The following CNNM2 variants were observed in gnomAD, a reference collection of about 807,000 sequenced individuals.
CNNM2 encodes metal transporter CNNM2.
A neutral mutation model predicts 66.9 loss-of-function variants in CNNM2; 12 were observed. That is an observed-to-expected ratio of 0.18 (90% CI 0.11 to 0.29). The LOEUF is 0.29. CNNM2 is among the 10% of genes least tolerant of loss of function. CNNM2 has a pLI of 1.00. For synonymous variants in CNNM2, 557 were observed against 501.8 expected, an observed-to-expected ratio of 1.11 and a Z score of -1.47; for missense variants, 705 against 1,167.7, an observed-to-expected ratio of 0.60 and a Z score of 5.77.
intron 1 of CNNM2, among the ~76,000 whole-genome samples, chr10:103,023,551 C>T (rs1004910975): frequency 1.3e-5 from 2 of 151,998 alleles, no homozygotes; most frequent in Admixed American, 1.3e-4. Context: ...TCTGTTCCCC[C>T]CTCCCCATCC....
intron 1 of CNNM2, among the ~76,000 whole-genome samples, chr10:102,953,130 A>G (rs1846902745): frequency 6.6e-6 from 1 of 152,242 alleles, no homozygotes; most frequent in Non-Finnish European, 1.5e-5. Flanking sequence ...GAGATTTCTC[A>G]GTGAAGAATT....
In CNNM2 at chr10:103,054,624, G is replaced by GT. The variant is rs2065269050; in HGVS notation, c.1903+165dup. On this transcript the variant is annotated intron_variant, in intron 3 of 7. Transcript: ENST00000369878. This position sits in a 1 kb window ranked among gnomAD's most constrained non-coding sequence, Gnocchi z 5.2. Reference sequence around the variant, plus strand: ...TTTTTTTGTTTTTTTGTTTTGTTTTGTTTTTTTCTTTTTAAATTCTCTCCT... The same window carrying GT: ...TTTTTTTGTTTTTTTGTTTTGTTTTGTTTTTTTTCTTTTTAAATTCTCTCCT... Among the ~76,000 whole-genome samples the GT allele has an allele frequency of 6.6e-6, 1 of 151,582 alleles. No homozygotes were observed.
intron 1 of CNNM2, among the ~76,000 whole-genome samples, chr10:102,939,827 T>G (rs1846362019): frequency 1.3e-5 from 2 of 151,818 alleles, no homozygotes; most frequent in South Asian, 4.2e-4. Context: ...AAAAATCAGC[T>G]GGGCGTGGCG....
Position 103,079,025 on chromosome 10 carries a change from G to A in CNNM2, c.*1845G>A, listed in dbSNP as rs1238655921. On this transcript the variant is annotated 3_prime_UTR_variant, in exon 8 of 8. Transcript: ENST00000369878. ...AAGTACTGATCTCACTTGGTGTAGAGGGTCACAGGGACCCCCCGAGGGTGC... is the reference window on the plus strand; with the variant it reads ...AAGTACTGATCTCACTTGGTGTAGAAGGTCACAGGGACCCCCCGAGGGTGC... The A allele has an allele frequency of 6.6e-6, 1 of 152,178 alleles. No homozygotes were observed. Among genetic ancestry groups the A allele is most frequent in the African/African-American group, 2.4e-5 (1 of 41,398 alleles). 9.4% of individuals were successfully genotyped at this position (152,178 alleles called of 1,614,324 possible).
chr10:103,034,095 A>G (rs2064882883), intron 1 of CNNM2, among the ~76,000 whole-genome samples: 1 of 152,094 alleles, frequency 6.6e-6, no homozygotes, highest in Non-Finnish European at 1.5e-5. Flanking sequence ...CTAGATGATT[A>G]ATTTTCCTTC....
chr10:103,052,326 T>C (rs1156304576), intron 2 of CNNM2, among the ~76,000 whole-genome samples: 2 of 151,640 alleles, frequency 1.3e-5, no homozygotes, highest in African/African-American at 4.8e-5. Flanking sequence ...TGTGTCTGTA[T>C]TTCTGTTTGC....
intron 1 of CNNM2, among the ~76,000 whole-genome samples, chr10:103,028,472 TG>T (rs1258949487): frequency 6.6e-6 from 1 of 152,210 alleles, no homozygotes; most frequent in Non-Finnish European, 1.5e-5. Context: ...GATTTCTACT[TG>T]TTTTTCAAGT....
intron 1 of CNNM2, among the ~76,000 whole-genome samples, chr10:102,936,882 A>T (rs1179692086): frequency 6.6e-6 from 1 of 152,206 alleles, no homozygotes; most frequent in Non-Finnish European, 1.5e-5. Flanking sequence ...TTGTAACCTG[A>T]ACCACTCATT....
In CNNM2 at chr10:103,089,599, C is replaced by G. The variant is rs1006919761; in HGVS notation, c.*12419C>G. On this transcript the variant is annotated 3_prime_UTR_variant, in exon 8 of 8. Transcript: ENST00000369878. ...CTCCCTCCCCCGAGTAGAACCCTAA[C>G]AGGGACCTCGTTTGTTCCTGTGAGT... The G allele has an allele frequency of 1.6e-5, 23 of 1,479,628 alleles. No individual in the cohort carries two copies. In the African/African-American group the frequency reaches 3.2e-4, roughly 21 times the overall value. 91.7% of individuals were successfully genotyped at this position (1,479,628 alleles called of 1,614,324 possible).
intron 7 of CNNM2, 63 bp downstream of exon 7, chr10:103,076,333 T>C (rs2065690398): frequency 2.0e-6 from 3 of 1,507,680 alleles, no homozygotes; most frequent in Non-Finnish European, 2.7e-6. Context: ...CCTGGCAAAT[T>C]GTCTGTTTTG....
intron 1 of CNNM2, among the ~76,000 whole-genome samples, chr10:102,973,303 G>T (rs1293953331): frequency 6.6e-6 from 1 of 151,680 alleles, no homozygotes; most frequent in African/African-American, 2.4e-5. Context: ...TTGAGCTAGG[G>T]TCTCGCTCTG....
Position 103,011,646 on chromosome 10 carries a change from CTGTGTGTGTGTGTGTGTGTGTG to C in CNNM2, c.1622-38043_1622-38022del, listed in dbSNP as rs10624803. 2.7e-4 allele frequency among the ~76,000 whole-genome samples: 37 copies of C among 136,056 alleles called. No individual in the cohort carries two copies. The East Asian group carries it at 3.9e-3, about 14-fold the overall frequency. The allele number at this position is 136,056 out of a possible 152,430, so 89.3% of individuals were successfully genotyped here. On this transcript the variant is annotated intron_variant, in intron 1 of 7. Coordinates refer to ENST00000369878, the MANE Select transcript of CNNM2 (RefSeq NM_017649.5). ...TTCTTTTGCATAAGTAATACTTGCACTGTGTGTGTGTGTGTGTGTGTGTGTGTGTGTGTGTGTGTATGTATAA... is the reference window on the plus strand; with the variant it reads ...TTCTTTTGCATAAGTAATACTTGCACTGTGTGTGTGTGTGTGTATGTATAA...
chr10:102,992,854 C>T (rs192147090), intron 1 of CNNM2, among the ~76,000 whole-genome samples: 2 of 152,218 alleles, frequency 1.3e-5, no homozygotes, highest in Admixed American at 1.3e-4. Context: ...GTTTCCTCAC[C>T]TAGAAAATGA....
chr10:102,968,085 A>C (rs2063492681), intron 1 of CNNM2, among the ~76,000 whole-genome samples: 1 of 151,400 alleles, frequency 6.6e-6, no homozygotes, highest in Non-Finnish European at 1.5e-5. Context: ...GAGATACTTA[A>C]GAGTGAAGTT....
At chr10:102,956,769 A>G (rs1427800998) in intron 1 of CNNM2, among the ~76,000 whole-genome samples, 1 of 152,068 alleles carries the variant, frequency 6.6e-6, no homozygotes, top group Admixed American at 6.6e-5. Context: ...GAATTGAACA[A>G]TGAGAACACT....
intron 1 of CNNM2, among the ~76,000 whole-genome samples, chr10:102,955,104 G>C (rs974265995): frequency 6.6e-6 from 1 of 152,052 alleles, no homozygotes; most frequent in East Asian, 1.9e-4. Context: ...AGCTGGAGGC[G>C]TCACACTACC....
intron 1 of CNNM2, among the ~76,000 whole-genome samples, chr10:103,003,559 C>T (rs1346017399): frequency 5.3e-5 from 8 of 152,128 alleles, no homozygotes; most frequent in African/African-American, 1.9e-4. Context: ...TGCGTTGGCT[C>T]ATGCCTGTAA....
At chr10:103,026,896 T>G (rs980878548) in intron 1 of CNNM2, among the ~76,000 whole-genome samples, 1 of 152,198 alleles carries the variant, frequency 6.6e-6, no homozygotes, top group Non-Finnish European at 1.5e-5. Flanking sequence ...AAATCAGTCT[T>G]GTATGTGTTT....
chr10:103,065,984 G>T (rs1298331636), intron 4 of CNNM2, among the ~76,000 whole-genome samples: 3 of 152,126 alleles, frequency 2.0e-5, no homozygotes, highest in Non-Finnish European at 1.5e-5. Context: ...ATGTCCTGCT[G>T]CCTGTCCCTC....
Sources: gnomAD v4.1 joint callset for allele counts (sites outside exome capture counted in the v4.1 genomes callset) on GRCh38, gnomAD v4.1.1 for gene constraint, Gnocchi (gnomAD v3.1) non-coding constraint, MANE v1.5 for transcripts, NCBI Gene and HGNC (gene_info 2026-07-23, HGNC 2026-07-21) for gene names.